Variants in TRAPPC9 observed in about 807,000 individuals in gnomAD.
TRAPPC9 encodes the protein trafficking protein particle complex subunit 9, also known as IKK2 binding protein.
In TRAPPC9, 83 loss-of-function variants were observed where a neutral mutation model predicts 124.0. The ratio of observed to expected loss-of-function variants is 0.67; its 90% CI spans 0.56 to 0.80. The LOEUF (loss-of-function observed/expected upper bound fraction) is 0.80. Among genes scored for constraint, TRAPPC9 ranks in the 30% least tolerant of loss-of-function variants. The probability of loss-of-function intolerance (pLI) is 0.00; values close to 1 mark genes in which losing one functional copy is unlikely to be tolerated. For synonymous variants in TRAPPC9, 638 were observed against 617.5 expected (o/e 1.03, Z -0.49); for missense variants, 1,302 against 1,508.3 (o/e 0.86, Z 2.27).
At chr8:140,023,837 C>G (rs1399770398) in intron 18 of TRAPPC9, 100 bp downstream of exon 18, 6 of 1,577,160 alleles carry the variant, frequency 3.8e-6, no homozygotes, top group Admixed American at 1.7e-5. Context: ...TGGCACGGAT[C>G]TGACGGGATG....
chr8:140,242,366 G>A (rs576500884), intron 16 of TRAPPC9, among the ~76,000 whole-genome samples: 2 of 152,302 alleles, frequency 1.3e-5, no homozygotes, highest in African/African-American at 4.8e-5. Context: ...AGAAGATGGA[G>A]GGATATTTAA....
At chr8:140,337,179 T>C (rs1222477313) in intron 9 of TRAPPC9, among the ~76,000 whole-genome samples, 1 of 152,156 alleles carries the variant, frequency 6.6e-6, no homozygotes, top group African/African-American at 2.4e-5. Flanking sequence ...AAGCCCACCA[T>C]GCCTTACTGC....
intron 17 of TRAPPC9, among the ~76,000 whole-genome samples, chr8:140,205,013 T>A (rs1375231857): frequency 1.3e-5 from 2 of 152,024 alleles, no homozygotes; most frequent in Non-Finnish European, 2.9e-5. Flanking sequence ...AATTTAAAAA[T>A]CATCTACGGA....
At chr8:139,883,473 C>T (rs1474248893) in intron 21 of TRAPPC9, among the ~76,000 whole-genome samples, 3 of 152,346 alleles carry the variant, frequency 2.0e-5, no homozygotes, top group Middle Eastern at 3.4e-3. Context: ...TCACGCCTCC[C>T]GGCAGGCACC....
chr8:140,372,718 T>C (rs2068317285), intron 7 of TRAPPC9, among the ~76,000 whole-genome samples: 1 of 152,194 alleles, frequency 6.6e-6, no homozygotes, highest in Non-Finnish European at 1.5e-5. Flanking sequence ...GCTCACCTGT[T>C]GCACCATGTG....
At chr8:140,111,827 G>A (rs1419945459) in intron 17 of TRAPPC9, among the ~76,000 whole-genome samples, 1 of 152,214 alleles carries the variant, frequency 6.6e-6, no homozygotes, top group East Asian at 1.9e-4. Context: ...AGAAAACAGT[G>A]GGCAGATAAA....
chr8:140,272,410 G>A (rs1318826558), intron 15 of TRAPPC9, among the ~76,000 whole-genome samples: 1 of 115,556 alleles, frequency 8.7e-6, no homozygotes, highest in Non-Finnish European at 2.1e-5. Flanking sequence ...TGGTGATAAT[G>A]GTGATGGTGA....
chr8:140,384,241 A>G (rs1193845863), intron 7 of TRAPPC9, among the ~76,000 whole-genome samples: 1 of 152,232 alleles, frequency 6.6e-6, no homozygotes, highest in Non-Finnish European at 1.5e-5. Flanking sequence ...GACTAGGAAG[A>G]AACTGCATCA....
chr8:139,957,051 C>T lies in TRAPPC9; in HGVS notation c.2810+31675G>A, dbSNP rs114041395. Among the ~76,000 whole-genome samples the T allele has an allele frequency of 7.1e-3, 1,086 of 152,358 alleles. 8 individuals carry two copies. The highest frequency in any genetic ancestry group is 0.02 in the Middle Eastern group (6 of 294). On this transcript the variant is annotated intron_variant, in intron 19 of 22. Transcript: ENST00000438773. ...CAGCAAAATCGCATTCCACACAGAG[C>T]GGGCCCCATGCTCTGAAAACATATT...
intron 17 of TRAPPC9, among the ~76,000 whole-genome samples, chr8:140,076,681 A>G (rs1587655328): frequency 6.6e-6 from 1 of 152,060 alleles, no homozygotes; most frequent in Non-Finnish European, 1.5e-5. Flanking sequence ...CGGCCGTGGC[A>G]CCCCAAGGCT....
intron 21 of TRAPPC9, among the ~76,000 whole-genome samples, chr8:139,880,294 A>C (rs949187956): frequency 6.6e-6 from 1 of 152,162 alleles, no homozygotes; most frequent in African/African-American, 2.4e-5. Context: ...AGGGCCTCTT[A>C]AGTGGCAGAA....
intron 18 of TRAPPC9, among the ~76,000 whole-genome samples, chr8:140,001,246 G>C (rs1394143893): frequency 1.3e-5 from 2 of 152,138 alleles, no homozygotes; most frequent in South Asian, 2.1e-4. Flanking sequence ...CACCAGGGGG[G>C]TGAGGGGCTG....
At chr8:140,401,584 A>G (rs764029054) in intron 6 of TRAPPC9, among the ~76,000 whole-genome samples, 1 of 152,166 alleles carries the variant, frequency 6.6e-6, no homozygotes, top group Non-Finnish European at 1.5e-5. Context: ...AAATTTACAT[A>G]TTTTAATGTA....
chr8:139,771,373 C>G (rs747740173), intron 21 of TRAPPC9, among the ~76,000 whole-genome samples: 3 of 152,142 alleles, frequency 2.0e-5, no homozygotes, highest in Non-Finnish European at 4.4e-5. Flanking sequence ...TGAAGCCCTG[C>G]CCAGGACGCC....
In TRAPPC9 at chr8:139,788,822, G is replaced by C. The variant is rs1198807324; in HGVS notation, c.3056-56620C>G. On this transcript the variant is annotated intron_variant, in intron 21 of 22. Coordinates refer to ENST00000438773, the MANE Select transcript of TRAPPC9 (RefSeq NM_001160372.4). The surrounding 1 kb of genome is among the most constrained non-coding windows in gnomAD (Gnocchi z 4.9). ...CCCTGGGCCAGCTGCCTTCACAAGA[G>C]GTGTGGTGGGGGGCTTTCAGAAACA... Among the ~76,000 whole-genome samples, 1 of 152,206 alleles carries C rather than the reference G, an allele frequency of 6.6e-6. No individual in the cohort carries two copies. Among genetic ancestry groups the C allele is most frequent in the Non-Finnish European group, 1.5e-5 (1 of 68,040 alleles).
At chr8:140,079,094 T>G (rs1236509315) in intron 17 of TRAPPC9, among the ~76,000 whole-genome samples, 2 of 152,144 alleles carry the variant, frequency 1.3e-5, no homozygotes, top group Non-Finnish European at 2.9e-5. Flanking sequence ...TCTGATGGTT[T>G]TATAAAGGAC....
rs1400423793 is a variant in TRAPPC9 at position 139,988,874 on chromosome 8, C to A, written c.2700-38G>T. On this transcript the variant is annotated intron_variant, in intron 18 of 22. Transcript: ENST00000438773. Reference sequence around the variant, plus strand: ...AAAAAGAAAGTTCAGAATCCTCTGACAGCCAAAGAGGAATGACTTTCCCTT... The same window carrying A: ...AAAAAGAAAGTTCAGAATCCTCTGAAAGCCAAAGAGGAATGACTTTCCCTT... The A allele has an allele frequency of 2.2e-6, 3 of 1,358,704 alleles. No homozygotes were observed. The African/African-American group carries it at 4.3e-5, about 20-fold the overall frequency. The allele number at this position is 1,358,704 out of a possible 1,614,324, so 84.2% of individuals were successfully genotyped here.
intron 7 of TRAPPC9, among the ~76,000 whole-genome samples, chr8:140,377,571 A>G (rs890456607): frequency 2.6e-5 from 4 of 152,226 alleles, no homozygotes; most frequent in African/African-American, 9.6e-5. Context: ...CTGGGATTAC[A>G]GGCATGAGCC....
chr8:139,863,366 G>A (rs1828300387), intron 21 of TRAPPC9, among the ~76,000 whole-genome samples: 1 of 152,232 alleles, frequency 6.6e-6, no homozygotes, highest in Non-Finnish European at 1.5e-5. Flanking sequence ...CAGGGAGGAG[G>A]CACGGAGGGC....
Sources: gnomAD v4.1 joint callset for allele counts (sites outside exome capture counted in the v4.1 genomes callset) on GRCh38, gnomAD v4.1.1 for gene constraint, Gnocchi (gnomAD v3.1) non-coding constraint, MANE v1.5 for transcripts, NCBI Gene and HGNC (gene_info 2026-07-23, HGNC 2026-07-21) for gene names.